CELF1: variants seen among roughly 807,000 people sequenced by gnomAD.
CELF1 encodes 50 kDa nuclear polyadenylated RNA-binding protein.
CELF1 carries 10 observed loss-of-function variants against 61.8 expected under a neutral mutation model. The observed-to-expected ratio is 0.16, with a 90% CI of 0.10 to 0.27. The LOEUF is 0.27. Ranked by LOEUF, CELF1 falls within the 10% of genes least tolerant of loss-of-function variation. The probability of loss-of-function intolerance (pLI) is 1.00; values close to 1 mark genes in which losing one functional copy is unlikely to be tolerated. For missense variants in CELF1, 380 were observed against 639.1 expected, an observed-to-expected ratio of 0.59 and a Z score of 4.37; for synonymous variants, 236 against 225.1, an observed-to-expected ratio of 1.05 and a Z score of -0.43.
chr11:47,496,067 C>A, intron 3 of CELF1: 2 of 906,378 alleles, frequency 2.2e-6, no homozygotes, highest in Non-Finnish European at 1.3e-6. Flanking sequence ...AACAGAAGTG[C>A]GTGAGAATAA....
intron 3 of CELF1, among the ~76,000 whole-genome samples, chr11:47,489,935 G>GTTTTTATTTTT (rs1555170253): frequency 2.1e-5 from 1 of 48,226 alleles, no homozygotes; most frequent in Non-Finnish European, 3.9e-5. Flanking sequence ...ATACCATCTT[G>GTTTTTATTTTT]TTTTTTTTTT....
chr11:47,496,691 T>C (rs2093169997), intron 3 of CELF1, among the ~76,000 whole-genome samples: 1 of 151,806 alleles, frequency 6.6e-6, no homozygotes, highest in Non-Finnish European at 1.5e-5. Context: ...GAAGAAATGG[T>C]AAGGACTGAG....
chr11:47,486,600 G>T, intron 6 of CELF1, 150 bp downstream of exon 6: 2 of 649,832 alleles, frequency 3.1e-6, no homozygotes, highest in East Asian at 2.7e-5. Context: ...AGTAGAGACG[G>T]GGTTTCACCA....
intron 1 of CELF1, among the ~76,000 whole-genome samples, chr11:47,518,474 CA>C (rs1172896349): frequency 6.6e-6 from 1 of 152,140 alleles, no homozygotes; most frequent in Non-Finnish European, 1.5e-5. Context: ...GCTTGTATCT[CA>C]AAAAGGAATC....
chr11:47,529,814 TAAAA>T (rs545356795), intron 1 of CELF1, among the ~76,000 whole-genome samples: 2 of 146,640 alleles, frequency 1.4e-5, no homozygotes, highest in Non-Finnish European at 3.0e-5. Flanking sequence ...GGGTAAGACT[TAAAA>T]AAAAAAGAGA....
chr11:47,482,899 A>G (rs1198370803), intron 8 of CELF1, 43 bp from the exon 9 acceptor site: 1 of 1,565,214 alleles, frequency 6.4e-7, no homozygotes, highest in Non-Finnish European at 8.7e-7. Context: ...CCTCCATCTG[A>G]AAAGAAGAAA....
intron 1 of CELF1, among the ~76,000 whole-genome samples, chr11:47,506,540 G>A (rs879905811): frequency 1.8e-4 from 27 of 152,394 alleles, no homozygotes; most frequent in Non-Finnish European, 3.4e-4. Flanking sequence ...GGTTGGACAA[G>A]TCTGGTGTAG....
At chr11:47,514,666 G>A (rs990111258) in intron 1 of CELF1, among the ~76,000 whole-genome samples, 3 of 138,698 alleles carry the variant, frequency 2.2e-5, no homozygotes, top group African/African-American at 8.1e-5. Context: ...GACCAGCCTC[G>A]GCAACATAGC....
chr11:47,486,921 T>C (rs759657475), intron 5 of CELF1, 123 bp from the exon 6 acceptor site: 2 of 816,674 alleles, frequency 2.4e-6, no homozygotes, highest in Non-Finnish European at 2.0e-6. Flanking sequence ...GTCTGCTTCA[T>C]GATCTTTCCC....
intron 1 of CELF1, among the ~76,000 whole-genome samples, chr11:47,502,810 C>A (rs2094086236): frequency 6.6e-6 from 1 of 151,950 alleles, no homozygotes; most frequent in South Asian, 2.1e-4. Flanking sequence ...CCAGCCTGGA[C>A]GACAGAGTGA....
At chr11:47,544,346 G>A (rs1367454890) in intron 1 of CELF1, among the ~76,000 whole-genome samples, 1 of 152,198 alleles carries the variant, frequency 6.6e-6, no homozygotes, top group Non-Finnish European at 1.5e-5. Flanking sequence ...ATCAGGCACT[G>A]TTCAGTGCCT....
rs1253858956 is a variant in CELF1, at chr11:47,488,089, G to A, written c.259+748C>T. On this transcript the variant is annotated intron_variant, in intron 4 of 14. Coordinates refer to ENST00000687097, the MANE Select transcript of CELF1 (RefSeq NM_001376376.1). ...TAATTCCTCTGCTTCTAGATCCTCT[G>A]CTATTAAGCTAGTTTCAATATGATA... 2.0e-5 allele frequency among the ~76,000 whole-genome samples: 3 copies of A among 152,186 alleles called. 1 individual carries two copies. The highest frequency in any genetic ancestry group is 4.1e-4 in the South Asian group (2 of 4,836).
chr11:47,521,113 A>G (rs1440696868), intron 1 of CELF1, among the ~76,000 whole-genome samples: 3 of 151,976 alleles, frequency 2.0e-5, no homozygotes, highest in Non-Finnish European at 2.9e-5. Flanking sequence ...TTAGCCGGGC[A>G]TAGTGGCGGG....
At chr11:47,536,392 T>A (rs550802645) in intron 1 of CELF1, among the ~76,000 whole-genome samples, 6 of 152,284 alleles carry the variant, frequency 3.9e-5, no homozygotes, top group Non-Finnish European at 7.3e-5. Flanking sequence ...ATAGACAGAC[T>A]GATAGATAGT....
At chr11:47,491,374 G>A (rs1164930498) in intron 3 of CELF1, among the ~76,000 whole-genome samples, 2 of 151,788 alleles carry the variant, frequency 1.3e-5, no homozygotes, top group Non-Finnish European at 2.9e-5. Context: ...TGTTGGCCAG[G>A]CTGGTCTTGA....
At chr11:47,552,574 A>G (rs2097168038) in intron 1 of CELF1, among the ~76,000 whole-genome samples, 1 of 152,178 alleles carries the variant, frequency 6.6e-6, no homozygotes, top group Admixed American at 6.5e-5. Context: ...GACACTAAGA[A>G]CACGTGAGAC....
At chr11:47,472,442 C>A in intron 14 of CELF1, 85 bp from the exon 15 acceptor site, 1 of 1,445,454 alleles carries the variant, frequency 6.9e-7, no homozygotes, top group Non-Finnish European at 9.5e-7. Context: ...ACCTTATGTG[C>A]TTCATCTCAA....
chr11:47,549,496 G>A (rs2097077585), intron 1 of CELF1, among the ~76,000 whole-genome samples: 1 of 152,010 alleles, frequency 6.6e-6, no homozygotes, highest in South Asian at 2.1e-4. Context: ...GCCTTAAAAA[G>A]GAAATAAATC....
Position 47,472,097 on chromosome 11 carries a change from C to T in CELF1, c.*133G>A. 9.7e-7 allele frequency: 1 copy of T among 1,026,850 alleles called. No homozygotes were observed. Among genetic ancestry groups the T allele is most frequent in the Non-Finnish European group, 1.4e-6 (1 of 697,122 alleles). The allele number at this position is 1,026,850 out of a possible 1,614,324, so 63.6% of individuals were successfully genotyped here. A position where few individuals can be genotyped will look rare whatever the true frequency, so the allele number is the denominator to read the frequency against. On this transcript the variant is annotated 3_prime_UTR_variant, in exon 15 of 15. Coordinates refer to ENST00000687097, the MANE Select transcript of CELF1 (RefSeq NM_001376376.1). ...GCAGTAGCCGAGTCTTCAGGGCAAG[C>T]TGTGCCTGCGAGAGTGGCAGGGATC...
Sources: gnomAD v4.1 joint callset for allele counts (sites outside exome capture counted in the v4.1 genomes callset) on GRCh38, gnomAD v4.1.1 for gene constraint, MANE v1.5 for transcripts, NCBI Gene and HGNC (gene_info 2026-07-23, HGNC 2026-07-21) for gene names.